The following SNX13 variants were observed in gnomAD, a reference collection of about 807,000 sequenced individuals.
The protein encoded by SNX13 is sorting nexin 13, also known as sorting nexin-13.
Under a neutral mutation model 133.6 loss-of-function variants are expected in SNX13, and 45 were observed. The observed-to-expected ratio is 0.34, with a 90% CI of 0.27 to 0.43. The LOEUF is 0.43. SNX13 is among the 20% of genes least tolerant of loss of function. The pLI is 1.00. For missense variants in SNX13, 1,032 were observed against 1,145.1 expected (o/e 0.90, Z 1.43); for synonymous variants, 414 against 373.9 (o/e 1.11, Z -1.24).
chr7:17,833,344 A>C (rs1042894542), intron 15 of SNX13, among the ~76,000 whole-genome samples: 1 of 151,660 alleles, frequency 6.6e-6, no homozygotes, highest in Non-Finnish European at 1.5e-5. Context: ...TTCCATTTAA[A>C]TCTAACAATG....
chr7:17,812,174 T>C (rs746399567), intron 20 of SNX13, among the ~76,000 whole-genome samples: 5 of 152,144 alleles, frequency 3.3e-5, no homozygotes, highest in Non-Finnish European at 7.4e-5. Flanking sequence ...AAAGGGCTTC[T>C]GTACAGCAAA....
At chr7:17,832,069 A>G in intron 15 of SNX13, 2 of 982,854 alleles carry the variant, frequency 2.0e-6, no homozygotes, top group Non-Finnish European at 2.4e-6. Context: ...ACAATAAGAT[A>G]CATAAGTATA....
intron 16 of SNX13, 76 bp downstream of exon 16, chr7:17,829,934 T>C: frequency 9.6e-7 from 1 of 1,043,494 alleles, no homozygotes; most frequent in Non-Finnish European, 1.4e-6. Context: ...ATATATCATT[T>C]ATTTATATAT....
Sources: gnomAD v4.1 joint callset for allele counts (sites outside exome capture counted in the v4.1 genomes callset) on GRCh38, gnomAD v4.1.1 for gene constraint, MANE v1.5 for transcripts, NCBI Gene and HGNC (gene_info 2026-07-23, HGNC 2026-07-21) for gene names.